PTPRB: variants seen among roughly 807,000 people sequenced by gnomAD.
PTPRB encodes receptor-type tyrosine-protein phosphatase beta.
A neutral mutation model predicts 238.1 loss-of-function variants in PTPRB; 97 were observed. The ratio of observed to expected loss-of-function variants is 0.41; its 90% CI spans 0.35 to 0.48. The LOEUF (loss-of-function observed/expected upper bound fraction) is 0.48, where lower values mean the gene tolerates loss of function less well. Ranked by LOEUF, PTPRB falls within the 20% of genes least tolerant of loss-of-function variation. The probability of loss-of-function intolerance (pLI) is 0.30; values close to 1 mark genes in which losing one functional copy is unlikely to be tolerated. For synonymous variants in PTPRB, 970 were observed against 995.4 expected (o/e 0.97, Z 0.48); for missense variants, 2,292 against 2,681.9 (o/e 0.85, Z 3.21).
rs1871177721 is a variant in PTPRB, at chr12:70,515,981, A to C, written c.*5508T>G. ...TAAAAATGTATTAAGCAAATACATA[A>C]TTTAAATTGAAAGACTAAGGAAGTT... On this transcript the variant is annotated 3_prime_UTR_variant, in exon 34 of 34. Transcript: ENST00000334414. 1 of 152,164 alleles carries C rather than the reference A, an allele frequency of 6.6e-6. No homozygotes were observed. The highest frequency in any genetic ancestry group is 1.5e-5 in the Non-Finnish European group (1 of 68,026). The allele number at this position is 152,164 out of a possible 1,614,324, so 9.4% of individuals were successfully genotyped here.
rs777532463 is a variant in PTPRB at position 70,532,074 on chromosome 12, G to A, written c.6465C>T (p.His2155=). The A allele has an allele frequency of 9.9e-6, 16 of 1,613,770 alleles. No individual in the cohort carries two copies. Among genetic ancestry groups the A allele is most frequent in the Admixed American group, 6.7e-5 (4 of 59,986 alleles). ...KDSVDIYGAV[H]DLRLHRVHMV... The stretch of plus-strand genomic sequence containing the variant: ...TGTGAACCCTGTGAAGTCTTAGGTC[G>A]TGCACTGCTCCATAAATGTCCACAG... Residue 2155 remains histidine, a synonymous_variant, in exon 32 of 34, where the codon CAC becomes CAT. Transcript: ENST00000334414.
intron 8 of PTPRB, among the ~76,000 whole-genome samples, chr12:70,588,110 A>G (rs1163892726): frequency 2.6e-4 from 33 of 125,254 alleles, no homozygotes; most frequent in East Asian, 2.5e-3. Flanking sequence ...AAAAAAAAAA[A>G]AAAGAAAAGA....
At position 70,560,191 on chromosome 12, in the gene PTPRB, G is replaced by A. The variant is rs1359106395; in HGVS notation, c.4432+480C>T. ...CAGATCTTCCTTACCATGGTGCTGT[G>A]GAGCATGAGTGTGCCCTGAATGGGT... On this transcript the variant is annotated intron_variant, in intron 17 of 33. Transcript: ENST00000334414. This position sits in a 1 kb window ranked among gnomAD's most constrained non-coding sequence, Gnocchi z 4.2. Among the ~76,000 whole-genome samples, 2 of 152,062 alleles carry A rather than the reference G, an allele frequency of 1.3e-5. No homozygotes were observed. Among genetic ancestry groups the A allele is most frequent in the East Asian group, 3.9e-4 (2 of 5,174 alleles).
chr12:70,537,060 G>A (rs898609316), intron 28 of PTPRB, among the ~76,000 whole-genome samples: 9 of 152,064 alleles, frequency 5.9e-5, no homozygotes, highest in Non-Finnish European at 1.3e-4. Flanking sequence ...CAAGGCGGGC[G>A]GATCATGAGG....
rs913360274 is a variant in PTPRB, at chr12:70,548,060, C to T, written c.5388-3397G>A. 1.1e-4 allele frequency among the ~76,000 whole-genome samples: 16 copies of T among 152,228 alleles called. 1 individual carries two copies. Among genetic ancestry groups the T allele is most frequent in the Admixed American group, 1.0e-3 (16 of 15,300 alleles). ...AATGACTTCTGGCTGGGCACAGTGGCTCATGCCTGTAATTCCAGCAATTTG... is the reference window on the plus strand; with the variant it reads ...AATGACTTCTGGCTGGGCACAGTGGTTCATGCCTGTAATTCCAGCAATTTG... On this transcript the variant is annotated intron_variant, in intron 21 of 33. Coordinates refer to ENST00000334414, the MANE Select transcript of PTPRB (RefSeq NM_001109754.4).
intron 22 of PTPRB, among the ~76,000 whole-genome samples, chr12:70,544,164 G>A (rs1321185950): frequency 6.6e-6 from 1 of 152,014 alleles, no homozygotes; most frequent in East Asian, 1.9e-4. Flanking sequence ...TAATACTTTG[G>A]TGTTTTTTTC....
At chr12:70,637,116 C>T (rs1182134451) in intron 1 of PTPRB, among the ~76,000 whole-genome samples, 1 of 152,120 alleles carries the variant, frequency 6.6e-6, no homozygotes. Context: ...TCAGGGGCTG[C>T]CTGAAGCATT....
chr12:70,572,775 T>TAAAAAAAAA (rs10709963), intron 11 of PTPRB, among the ~76,000 whole-genome samples: 212 of 93,914 alleles, frequency 2.3e-3, no homozygotes, highest in Middle Eastern at 0.013. Context: ...CTCCATCTCA[T>TAAAAAAAAA]AAAAAAAAAA....
rs1402230668 is a variant in PTPRB, at chr12:70,560,198, G to A, written c.4432+473C>T. ...TCCTTACCATGGTGCTGTGGAGCAT[G>A]AGTGTGCCCTGAATGGGTTACAAGT... On this transcript the variant is annotated intron_variant, in intron 17 of 33. Coordinates refer to ENST00000334414, the MANE Select transcript of PTPRB (RefSeq NM_001109754.4). This position sits in a 1 kb window ranked among gnomAD's most constrained non-coding sequence, Gnocchi z 4.2. 6.6e-6 allele frequency among the ~76,000 whole-genome samples: 1 copy of A among 152,174 alleles called. No homozygotes were observed. Among genetic ancestry groups the A allele is most frequent in the Non-Finnish European group, 1.5e-5 (1 of 68,032 alleles).
intron 29 of PTPRB, 55 bp from the exon 30 acceptor site, chr12:70,535,010 A>T: frequency 6.4e-7 from 1 of 1,565,248 alleles, no homozygotes; most frequent in Admixed American, 1.9e-5. Flanking sequence ...TCCTTGGTGA[A>T]CCTGGGGTTT....
rs1555230172 is a variant in PTPRB at position 70,576,662 on chromosome 12, T to TAGGG, written c.2579-18_2579-17insCCCT. 2 of 15,194 alleles carry TAGGG rather than the reference T, an allele frequency of 1.3e-4. No individual in the cohort carries two copies. The highest frequency in any genetic ancestry group is 6.5e-4 in the African/African-American group (2 of 3,076). The allele number at this position is 15,194 out of a possible 1,614,324, so 0.9% of individuals were successfully genotyped here. On this transcript the variant is annotated splice_polypyrimidine_tract_variant and intron_variant, in intron 10 of 33. Coordinates refer to ENST00000334414, the MANE Select transcript of PTPRB (RefSeq NM_001109754.4). ...TGGAAGGGACTGTGATTTTGAAAGG[T>TAGGG]GGGGGGCGGGGGGGGGGGGGAAGGG...
intron 2 of PTPRB, among the ~76,000 whole-genome samples, chr12:70,633,902 T>A (rs1230499331): frequency 6.6e-6 from 1 of 152,114 alleles, no homozygotes; most frequent in African/African-American, 2.4e-5. Flanking sequence ...TGGGGATGAA[T>A]CTCACTTCTT....
chr12:70,584,623 A>G (rs909321079), intron 9 of PTPRB, among the ~76,000 whole-genome samples: 1 of 152,226 alleles, frequency 6.6e-6, no homozygotes, highest in Admixed American at 6.5e-5. Flanking sequence ...AACTTTAAAC[A>G]CAGAGTTGGA....
At chr12:70,559,088 C>A in intron 18 of PTPRB, 1 of 588,852 alleles carries the variant, frequency 1.7e-6, no homozygotes, top group Non-Finnish European at 3.0e-6. Context: ...CCTCATCACA[C>A]CCAAAATATA....
chr12:70,544,754 G>T, intron 21 of PTPRB, 91 bp from the exon 22 acceptor site: 1 of 742,200 alleles, frequency 1.3e-6, no homozygotes, highest in Non-Finnish European at 2.1e-6. Flanking sequence ...GCGGGTTCCT[G>T]GTCAGTGGGT....
chr12:70,582,919 A>G (rs937810294), intron 9 of PTPRB, among the ~76,000 whole-genome samples: 2 of 152,214 alleles, frequency 1.3e-5, no homozygotes, highest in African/African-American at 2.4e-5. Context: ...TAAATGGGTG[A>G]CAAATAAGCT....
intron 5 of PTPRB, 124 bp downstream of exon 5, chr12:70,595,925 A>T (rs1467842718): frequency 1.0e-6 from 1 of 970,680 alleles, no homozygotes. Flanking sequence ...CCTTTTAAAA[A>T]TTTAACTAAT....
chr12:70,633,110 A>G (rs1400701360), intron 2 of PTPRB, among the ~76,000 whole-genome samples: 2 of 152,236 alleles, frequency 1.3e-5, no homozygotes, highest in Non-Finnish European at 2.9e-5. Flanking sequence ...CCATAGATGA[A>G]CAACACATGT....
intron 4 of PTPRB, 117 bp from the exon 5 acceptor site, chr12:70,596,444 T>A: frequency 9.2e-7 from 1 of 1,082,544 alleles, no homozygotes; most frequent in Non-Finnish European, 1.2e-6. Context: ...TCCAGGTTCA[T>A]TTTTCTCAAA....
Sources: gnomAD v4.1 joint callset for allele counts (sites outside exome capture counted in the v4.1 genomes callset) on GRCh38, gnomAD v4.1.1 for gene constraint, Gnocchi (gnomAD v3.1) non-coding constraint, MANE v1.5 for transcripts, NCBI Gene and HGNC (gene_info 2026-07-23, HGNC 2026-07-21) for gene names.